S100Z: variants seen among roughly 807,000 people sequenced by gnomAD.
S100Z encodes protein S100-Z.
Under a neutral mutation model 8.5 loss-of-function variants are expected in S100Z, and 11 were observed. The ratio of observed to expected loss-of-function variants is 1.30; its 90% CI spans 0.82 to 2.15. The LOEUF is 2.15. S100Z is among the 30% of genes most tolerant of loss of function. The probability of loss-of-function intolerance (pLI) is 0.00; values close to 1 mark genes in which losing one functional copy is unlikely to be tolerated. For synonymous variants in S100Z, 34 were observed against 43.8 expected, an observed-to-expected ratio of 0.78 and a Z score of 0.89; for missense variants, 126 against 117.9, an observed-to-expected ratio of 1.07 and a Z score of -0.32.
At chr5:76,900,917 G>A (rs1190301094) in intron 4 of S100Z, among the ~76,000 whole-genome samples, 1 of 152,208 alleles carries the variant, frequency 6.6e-6, no homozygotes, top group Non-Finnish European at 1.5e-5. Flanking sequence ...TGTGATCTAA[G>A]CTGTATCTGC....
intron 4 of S100Z, among the ~76,000 whole-genome samples, chr5:76,879,202 G>A (rs114586542): frequency 0.013 from 1,904 of 152,200 alleles, 32 homozygotes; most frequent in African/African-American, 0.043. Context: ...TTGTTGTTGG[G>A]ATGTGGATGT....
intron 2 of S100Z, among the ~76,000 whole-genome samples, chr5:76,874,567 C>T (rs1743113037): frequency 6.6e-6 from 1 of 152,142 alleles, no homozygotes; most frequent in Admixed American, 6.5e-5. Flanking sequence ...TTTTCATCTT[C>T]CCGGAAACAG....
intron 2 of S100Z, among the ~76,000 whole-genome samples, chr5:76,872,982 T>C (rs1049486995): frequency 6.6e-5 from 10 of 151,990 alleles, no homozygotes; most frequent in African/African-American, 2.4e-4. Flanking sequence ...TCAAAAATAA[T>C]AATAAATAAA....
At chr5:76,885,464 C>T (rs187470778) in intron 4 of S100Z, among the ~76,000 whole-genome samples, 16 of 54,206 alleles carry the variant, frequency 3.0e-4, no homozygotes, top group East Asian at 2.2e-3. Flanking sequence ...AAAGTGGGAA[C>T]GGGGTGGGAG....
chr5:76,949,925 T>C, the S100Z span, among the ~76,000 whole-genome samples: 1 of 152,238 alleles, frequency 6.6e-6, no homozygotes, highest in African/African-American at 2.4e-5. Context: ...TGTTGTGCAC[T>C]TAAATATCTT....
chr5:76,883,136 G>T (rs1743474672), intron 4 of S100Z, among the ~76,000 whole-genome samples: 1 of 152,130 alleles, frequency 6.6e-6, no homozygotes, highest in Non-Finnish European at 1.5e-5. Context: ...TGGGATATTG[G>T]CATTGAGTGG....
the S100Z span, among the ~76,000 whole-genome samples, chr5:76,933,554 C>G: frequency 6.6e-6 from 1 of 152,170 alleles, no homozygotes; most frequent in Non-Finnish European, 1.5e-5. Flanking sequence ...TAGCTACCTA[C>G]CATCCCCGGA....
the S100Z span, among the ~76,000 whole-genome samples, chr5:76,948,146 T>A: frequency 2.0e-5 from 3 of 152,072 alleles, no homozygotes; most frequent in South Asian, 6.2e-4. Context: ...GCCAACAAGG[T>A]GACACCCCGT....
At chr5:76,951,334 C>T in the S100Z span, among the ~76,000 whole-genome samples, 2 of 152,178 alleles carry the variant, frequency 1.3e-5, no homozygotes, top group Non-Finnish European at 2.9e-5. Context: ...CACATGTGCA[C>T]ATGTGCATAT....
chr5:76,875,378 A>G lies in S100Z; in HGVS notation c.19A>G (p.Met7Val). MPTQLEMAMDTMIRIFH... is the reference protein window; with the variant it reads MPTQLEVAMDTMIRIFH... ...TGCCGACATGCCCACCCAGCTCGAG[A>G]TGGCCATGGACACCATGATTAGAAT... Residue 7 changes from methionine (M) to valine (V), a missense_variant, in exon 3 of 5, where the codon ATG becomes GTG. Transcript: ENST00000317593. 1 of 1,611,116 alleles carries G rather than the reference A, an allele frequency of 6.2e-7. No individual in the cohort carries two copies. The highest frequency in any genetic ancestry group is 8.5e-7 in the Non-Finnish European group (1 of 1,178,554).
the S100Z span, among the ~76,000 whole-genome samples, chr5:76,949,849 G>C: frequency 4.6e-5 from 7 of 152,330 alleles, no homozygotes; most frequent in East Asian, 9.6e-4. Flanking sequence ...TAAAGTTTCA[G>C]CTATGCAAGA....
At chr5:76,874,737 T>C (rs1356294357) in intron 2 of S100Z, among the ~76,000 whole-genome samples, 1 of 152,182 alleles carries the variant, frequency 6.6e-6, no homozygotes, top group Non-Finnish European at 1.5e-5. Context: ...ACTTTGTACC[T>C]GTTACCTGGT....
chr5:76,925,025 T>C (rs1170690275), downstream of S100Z, among the ~76,000 whole-genome samples: 11 of 151,976 alleles, frequency 7.2e-5, no homozygotes, highest in Non-Finnish European at 1.5e-4. Context: ...TGCTGTTGGG[T>C]TGTCGAGCTA....
At chr5:76,943,407 G>A in the S100Z span, among the ~76,000 whole-genome samples, 5 of 152,186 alleles carry the variant, frequency 3.3e-5, no homozygotes, top group Admixed American at 2.6e-4. Context: ...TAGCCTAAGA[G>A]GTCATATGGA....
chr5:76,936,653 A>C, the S100Z span, among the ~76,000 whole-genome samples: 1 of 145,186 alleles, frequency 6.9e-6, no homozygotes, highest in East Asian at 2.1e-4. Context: ...ACACACACAC[A>C]CACAACCATG....
At chr5:76,950,206 C>T in the S100Z span, among the ~76,000 whole-genome samples, 3 of 152,264 alleles carry the variant, frequency 2.0e-5, no homozygotes, top group South Asian at 2.1e-4. Flanking sequence ...TCTAAGTTGA[C>T]GTGATAAATA....
chr5:76,936,302 TAAC>T, the S100Z span, among the ~76,000 whole-genome samples: 4 of 151,794 alleles, frequency 2.6e-5, no homozygotes, highest in Middle Eastern at 3.2e-3. Context: ...CTCTGAAAAA[TAAC>T]AATAAAAACG....
intron 2 of S100Z, among the ~76,000 whole-genome samples, chr5:76,874,815 G>T (rs1717459411): frequency 1.3e-5 from 2 of 152,088 alleles, no homozygotes; most frequent in African/African-American, 4.8e-5. Context: ...AAACAACTCA[G>T]CTGCGAAGTG....
chr5:76,857,431 T>C (rs1191711247), intron 1 of S100Z, among the ~76,000 whole-genome samples: 1 of 151,844 alleles, frequency 6.6e-6, no homozygotes, highest in Non-Finnish European at 1.5e-5. Flanking sequence ...ATATATATAC[T>C]CTCTGAGATG....
Sources: gnomAD v4.1 joint callset for allele counts (sites outside exome capture counted in the v4.1 genomes callset) on GRCh38, gnomAD v4.1.1 for gene constraint, MANE v1.5 for transcripts, NCBI Gene and HGNC (gene_info 2026-07-23, HGNC 2026-07-21) for gene names.